Variants in EPHA3 observed in about 807,000 individuals in gnomAD.
EPHA3 encodes the protein EPH receptor A3.
A neutral mutation model predicts 107.1 loss-of-function variants in EPHA3; 42 were observed. The ratio of observed to expected loss-of-function variants is 0.39; its 90% CI spans 0.31 to 0.51. The LOEUF (loss-of-function observed/expected upper bound fraction) is 0.51. Ranked by LOEUF, EPHA3 falls within the 20% of genes least tolerant of loss-of-function variation. The pLI is 0.78. For missense variants in EPHA3, 1,183 were observed against 1,211.2 expected (o/e 0.98, Z 0.35); for synonymous variants, 461 against 424.8 (o/e 1.09, Z -1.05).
Position 89,189,852 on chromosome 3 carries a change from T to A in EPHA3, c.154-20008T>A, listed in dbSNP as rs545015280. Among the ~76,000 whole-genome samples, 4 of 152,194 alleles carry A rather than the reference T, an allele frequency of 2.6e-5. No homozygotes were observed. The South Asian group carries it at 8.3e-4, about 31-fold the overall frequency. ...GAGGCATTAATTGTGTCCATTATGA[T>A]CTGCAATTTATTATTAGTACGTCTT... On this transcript the variant is annotated intron_variant, in intron 2 of 16. Coordinates refer to ENST00000336596, the MANE Select transcript of EPHA3 (RefSeq NM_005233.6).
intron 2 of EPHA3, among the ~76,000 whole-genome samples, chr3:89,175,222 G>C (rs1303028144): frequency 6.6e-6 from 1 of 151,980 alleles, no homozygotes; most frequent in Non-Finnish European, 1.5e-5. Context: ...TGGGTCACAG[G>C]TGCCAACACT....
At chr3:89,474,001 C>T (rs1229967263) in intron 16 of EPHA3, among the ~76,000 whole-genome samples, 1 of 152,076 alleles carries the variant, frequency 6.6e-6, no homozygotes, top group Non-Finnish European at 1.5e-5. Flanking sequence ...GTATTATCAT[C>T]TCCCACTAAT....
chr3:89,467,777 T>C (rs1306712700), intron 15 of EPHA3, among the ~76,000 whole-genome samples: 1 of 152,224 alleles, frequency 6.6e-6, no homozygotes, highest in African/African-American at 2.4e-5. Flanking sequence ...AAAGTTATTT[T>C]TCACTTCCCC....
chr3:89,230,439 T>C (rs1347675133), intron 3 of EPHA3, among the ~76,000 whole-genome samples: 2 of 152,110 alleles, frequency 1.3e-5, no homozygotes, highest in Non-Finnish European at 2.9e-5. Context: ...TTAAATGCTC[T>C]TCAGACATTG....
intron 11 of EPHA3, among the ~76,000 whole-genome samples, chr3:89,425,865 A>G (rs1709445855): frequency 6.6e-6 from 1 of 151,706 alleles, no homozygotes; most frequent in South Asian, 2.1e-4. Flanking sequence ...TCAAGCGGCG[A>G]TTCAATGACT....
In EPHA3 at chr3:89,408,067, G is replaced by A. The variant is rs766138076; in HGVS notation, c.1698G>A (p.Arg566=). 22 of 1,612,574 alleles carry A rather than the reference G, an allele frequency of 1.4e-5. No homozygotes were observed. The highest frequency in any genetic ancestry group is 1.8e-5 in the Non-Finnish European group (21 of 1,178,948). The change falls in exon 9 of 17, where the codon AGG becomes AGA. Residue 566 remains arginine (R), a splice_region_variant and synonymous_variant. Transcript: ENST00000336596. ...LTVVIYVLIG[R]FCGYKSKHGA... is the part of the protein sequence containing the mutation. ...TTCGCTTTCCTTGATTTACCTCCAG[G>A]TTCTGTGGCTATAAGTCAAAACATG...
chr3:89,408,789 T>C (rs548226753), intron 9 of EPHA3, among the ~76,000 whole-genome samples: 1 of 152,190 alleles, frequency 6.6e-6, no homozygotes, highest in African/African-American at 2.4e-5. Context: ...CTCAGCTTAG[T>C]GTGGCAATTA....
intron 2 of EPHA3, among the ~76,000 whole-genome samples, chr3:89,165,907 C>A (rs1258356275): frequency 1.3e-5 from 2 of 152,322 alleles, no homozygotes; most frequent in Admixed American, 6.5e-5. Context: ...TTTCCCAGAA[C>A]ACTTTTCCCT....
In EPHA3 at chr3:89,405,380, G is replaced by T. The variant is rs144811255; in HGVS notation, c.1595-1889G>T. ...GCTGTAGCTGAAGGTGCTGCAGCTG[G>T]AGGCTGTCTGCTGACTGTACTCTCT... On this transcript the variant is annotated intron_variant, in intron 7 of 16. Transcript: ENST00000336596. Among the ~76,000 whole-genome samples the T allele has an allele frequency of 5.9e-3, 904 of 152,280 alleles. 12 individuals carry two copies. Among genetic ancestry groups the T allele is most frequent in the African/African-American group, 0.02 (828 of 41,586 alleles).
intron 3 of EPHA3, among the ~76,000 whole-genome samples, chr3:89,212,178 CTT>C (rs1405712397): frequency 4.6e-5 from 7 of 151,828 alleles, no homozygotes; most frequent in South Asian, 2.1e-4. Context: ...TAAAATATGA[CTT>C]TTATTTAAAT....
At chr3:89,461,000 C>T (rs1710226075) in intron 15 of EPHA3, among the ~76,000 whole-genome samples, 1 of 118,100 alleles carries the variant, frequency 8.5e-6, no homozygotes, top group Non-Finnish European at 1.8e-5. Flanking sequence ...CCACAGTCCC[C>T]AGAGTGTGAT....
intron 5 of EPHA3, among the ~76,000 whole-genome samples, chr3:89,371,738 ACAC>A (rs1708308119): frequency 6.6e-6 from 1 of 151,076 alleles, no homozygotes; most frequent in South Asian, 2.1e-4. Context: ...ACACACACAC[ACAC>A]AACACACACA....
At chr3:89,256,597 A>G (rs1705291351) in intron 3 of EPHA3, among the ~76,000 whole-genome samples, 1 of 151,600 alleles carries the variant, frequency 6.6e-6, no homozygotes, top group Non-Finnish European at 1.5e-5. Flanking sequence ...ATAAATAAAT[A>G]AATAAATAAA....
In EPHA3 at chr3:89,206,036, C is replaced by A. The variant is rs1272911544; in HGVS notation, c.154-3824C>A. ...AAATATTCATTTAAGAATTTTATTT[C>A]TACTGTCTTTAGTCCTCAGCAAATG... On this transcript the variant is annotated intron_variant, in intron 2 of 16. Transcript: ENST00000336596. Among the ~76,000 whole-genome samples the A allele has an allele frequency of 4.6e-5, 7 of 152,160 alleles. No individual in the cohort carries two copies. The East Asian group carries it at 1.4e-3, about 29-fold the overall frequency.
At chr3:89,242,563 C>G (rs62278161) in intron 3 of EPHA3, among the ~76,000 whole-genome samples, 40,286 of 151,688 alleles carry the variant, frequency 0.27, 5,615 homozygotes, top group African/African-American at 0.32. Context: ...TCAGCCTCCC[C>G]AGCAGCTGGG....
intron 3 of EPHA3, among the ~76,000 whole-genome samples, chr3:89,328,113 G>GA (rs750063355): frequency 2.0e-5 from 3 of 151,840 alleles, no homozygotes; most frequent in African/African-American, 4.8e-5. Flanking sequence ...AAGAAAAAAA[G>GA]AAAAAAACAG....
chr3:89,360,286 C>A (rs992815076), intron 5 of EPHA3, among the ~76,000 whole-genome samples: 3 of 150,704 alleles, frequency 2.0e-5, no homozygotes, highest in African/African-American at 4.8e-5. Context: ...ATGTTACTTG[C>A]CAAAAATTTA....
At chr3:89,222,332 T>C (rs62274655) in intron 3 of EPHA3, among the ~76,000 whole-genome samples, 10 of 94,410 alleles carry the variant, frequency 1.1e-4, no homozygotes, top group East Asian at 2.6e-4. Context: ...TATACATATA[T>C]ATATATATAT....
chr3:89,198,360 T>C (rs1298586225), intron 2 of EPHA3, among the ~76,000 whole-genome samples: 2 of 152,210 alleles, frequency 1.3e-5, no homozygotes, highest in Non-Finnish European at 2.9e-5. Context: ...TATTATTATT[T>C]TTCCCATTTT....
Sources: allele counts gnomAD v4.1 joint callset (sites outside exome capture counted in the v4.1 genomes callset), GRCh38; gene constraint gnomAD v4.1.1; transcripts MANE v1.5; gene names NCBI Gene and HGNC (gene_info 2026-07-23, HGNC 2026-07-21).